Variants in PLCB1 observed in about 807,000 individuals in gnomAD.
PLCB1 encodes phospholipase C beta 1.
PLCB1 carries 46 observed loss-of-function variants against 161.8 expected under a neutral mutation model. That is an observed-to-expected ratio of 0.28 (90% CI 0.22 to 0.36). PLCB1 has a LOEUF of 0.36. Among genes scored for constraint, PLCB1 ranks in the 10% least tolerant of loss-of-function variants. The pLI is 1.00. For synonymous variants in PLCB1, 517 were observed against 503.7 expected, an observed-to-expected ratio of 1.03 and a Z score of -0.35; for missense variants, 1,016 against 1,472.5, an observed-to-expected ratio of 0.69 and a Z score of 5.07.
intron 2 of PLCB1, among the ~76,000 whole-genome samples, chr20:8,184,927 G>A (rs1332013659): frequency 6.6e-6 from 1 of 151,848 alleles, no homozygotes; most frequent in Non-Finnish European, 1.5e-5. Context: ...TTCTCCTAAT[G>A]CTATCCCTCC....
intron 23 of PLCB1, among the ~76,000 whole-genome samples, chr20:8,754,676 GC>G: frequency 6.6e-6 from 1 of 152,200 alleles, no homozygotes; most frequent in African/African-American, 2.4e-5. Context: ...CAGCTGGGAG[GC>G]CAGCAAAGCG....
chr20:8,705,069 A>G (rs1439120001), intron 11 of PLCB1, among the ~76,000 whole-genome samples: 3 of 148,204 alleles, frequency 2.0e-5, no homozygotes, highest in Non-Finnish European at 4.4e-5. Context: ...AACTCGGTCT[A>G]CCAATTCAAA....
At chr20:8,584,483 G>GACACACACACACAC (rs61008784) in intron 3 of PLCB1, among the ~76,000 whole-genome samples, 205 of 147,756 alleles carry the variant, frequency 1.4e-3, no homozygotes, top group African/African-American at 3.9e-3. Context: ...CACACACACA[G>GACACACACACACAC]ACACACACAC....
chr20:8,585,291 C>T (rs923760834), intron 3 of PLCB1, among the ~76,000 whole-genome samples: 6 of 152,168 alleles, frequency 3.9e-5, no homozygotes, highest in Admixed American at 6.5e-5. Flanking sequence ...GGAGCCAGAG[C>T]CACCATGCTG....
intron 2 of PLCB1, among the ~76,000 whole-genome samples, chr20:8,248,974 C>T (rs927880601): frequency 7.2e-5 from 11 of 151,868 alleles, no homozygotes; most frequent in Non-Finnish European, 1.5e-5. Flanking sequence ...TTCATTTTAA[C>T]TCGAGATTTT....
intron 10 of PLCB1, among the ~76,000 whole-genome samples, chr20:8,693,672 A>C (rs561134109): frequency 1.3e-5 from 2 of 152,340 alleles, no homozygotes; most frequent in East Asian, 3.9e-4. Context: ...TAAATATGAA[A>C]ACAGGCAATT....
At chr20:8,878,565 C>T (rs950801553) in intron 31 of PLCB1, among the ~76,000 whole-genome samples, 11 of 152,094 alleles carry the variant, frequency 7.2e-5, no homozygotes, top group Admixed American at 2.0e-4. Context: ...CCCTGAGCGC[C>T]CCCTCACAGC....
chr20:8,659,190 C>T (rs145653611), intron 9 of PLCB1, among the ~76,000 whole-genome samples: 151 of 152,146 alleles, frequency 9.9e-4, no homozygotes, highest in African/African-American at 3.3e-3. Context: ...TAAAATTTGG[C>T]TGTCTGTGTA....
chr20:8,338,637 CTTCT>C (rs1191016672), intron 2 of PLCB1, among the ~76,000 whole-genome samples: 8 of 152,120 alleles, frequency 5.3e-5, no homozygotes, highest in African/African-American at 1.7e-4. Flanking sequence ...ATTAACGGTT[CTTCT>C]TTAAGATATA....
At chr20:8,588,911 T>G (rs1987067580) in intron 3 of PLCB1, among the ~76,000 whole-genome samples, 1 of 152,082 alleles carries the variant, frequency 6.6e-6, no homozygotes, top group Non-Finnish European at 1.5e-5. Flanking sequence ...GAACACAATC[T>G]TGGGAAAGGA....
At chr20:8,768,899 T>A (rs543756066) in intron 26 of PLCB1, among the ~76,000 whole-genome samples, 99 of 152,366 alleles carry the variant, frequency 6.5e-4, no homozygotes, top group African/African-American at 2.3e-3. Context: ...CTATCCCTAA[T>A]GTTAGGAGAT....
chr20:8,782,791 A>G (rs1167858106), intron 27 of PLCB1, among the ~76,000 whole-genome samples: 3 of 152,260 alleles, frequency 2.0e-5, no homozygotes, highest in African/African-American at 7.2e-5. Flanking sequence ...AGAAAGAGGC[A>G]TCTTCTTTAG....
At chr20:8,565,341 T>C (rs1372041836) in intron 3 of PLCB1, among the ~76,000 whole-genome samples, 2 of 151,748 alleles carry the variant, frequency 1.3e-5, no homozygotes, top group African/African-American at 4.8e-5. Context: ...CTGTCAGTGG[T>C]TGGGGGGTTA....
At chr20:8,732,717 T>G in intron 18 of PLCB1, among the ~76,000 whole-genome samples, 1 of 143,566 alleles carries the variant, frequency 7.0e-6, no homozygotes, top group East Asian at 2.0e-4. Flanking sequence ...TATATCATTC[T>G]AATATATCTA....
chr20:8,289,429 A>G (rs1246185735), intron 2 of PLCB1, among the ~76,000 whole-genome samples: 1 of 152,130 alleles, frequency 6.6e-6, no homozygotes, highest in African/African-American at 2.4e-5. Flanking sequence ...AGACCACACT[A>G]AGAGTGGCAA....
chr20:8,331,505 G>A (rs1190521447), intron 2 of PLCB1, among the ~76,000 whole-genome samples: 2 of 152,174 alleles, frequency 1.3e-5, no homozygotes, highest in Non-Finnish European at 2.9e-5. Context: ...GTGGTTAGGG[G>A]CATGCCTGTG....
At chr20:8,874,217 T>C (rs996155744) in intron 31 of PLCB1, among the ~76,000 whole-genome samples, 3 of 123,538 alleles carry the variant, frequency 2.4e-5, no homozygotes, top group African/African-American at 6.4e-5. Flanking sequence ...TTTATATATA[T>C]GTGTATGTAC....
chr20:8,477,604 G>A (rs1416914039), intron 3 of PLCB1, among the ~76,000 whole-genome samples: 1 of 152,196 alleles, frequency 6.6e-6, no homozygotes, highest in Non-Finnish European at 1.5e-5. Context: ...GGCTGTACAA[G>A]CTTGGCACCA....
chr20:8,331,895 A>C (rs962500440), intron 2 of PLCB1, among the ~76,000 whole-genome samples: 1 of 152,206 alleles, frequency 6.6e-6, no homozygotes, highest in Non-Finnish European at 1.5e-5. Flanking sequence ...ATACACATCA[A>C]AGCAGCATAG....
Sources: allele counts gnomAD v4.1 joint callset (sites outside exome capture counted in the v4.1 genomes callset), GRCh38; gene constraint gnomAD v4.1.1; transcripts MANE v1.5; gene names NCBI Gene and HGNC (gene_info 2026-07-23, HGNC 2026-07-21).